SYN3: variants seen among roughly 807,000 people sequenced by gnomAD.
SYN3 encodes synapsin-3.
Under a neutral mutation model 65.8 loss-of-function variants are expected in SYN3, and 35 were observed. That is an observed-to-expected ratio of 0.53 (90% confidence interval 0.41 to 0.70). The LOEUF is 0.70. Among genes scored for constraint, SYN3 ranks in the 30% least tolerant of loss-of-function variants. SYN3 has a pLI of 0.00. For missense variants in SYN3, 680 were observed against 749.0 expected (o/e 0.91, Z 1.08); for synonymous variants, 270 against 292.9 (o/e 0.92, Z 0.80).
At chr22:32,569,040 T>C (rs1365395432) in intron 7 of SYN3, among the ~76,000 whole-genome samples, 1 of 152,138 alleles carries the variant, frequency 6.6e-6, no homozygotes, top group Non-Finnish European at 1.5e-5. Context: ...ACAATGCAAG[T>C]ATATAGATGA....
chr22:32,907,755 C>T (rs1238008273), intron 4 of SYN3, among the ~76,000 whole-genome samples: 1 of 152,130 alleles, frequency 6.6e-6, no homozygotes, highest in Non-Finnish European at 1.5e-5. Context: ...ATGGAGCTTA[C>T]GTAAATGACC....
At chr22:32,641,199 T>G (rs1211543720) in intron 6 of SYN3, among the ~76,000 whole-genome samples, 1 of 152,212 alleles carries the variant, frequency 6.6e-6, no homozygotes. Flanking sequence ...GGCCTCTTTC[T>G]GACTTGTGAT....
chr22:32,643,810 G>A (rs1003870302), intron 6 of SYN3, among the ~76,000 whole-genome samples: 13 of 151,794 alleles, frequency 8.6e-5, no homozygotes, highest in African/African-American at 3.1e-4. Flanking sequence ...AGAGACAAGG[G>A]GCCGGGCGCG....
At chr22:32,829,775 G>C (rs2047521343) in intron 6 of SYN3, among the ~76,000 whole-genome samples, 1 of 152,220 alleles carries the variant, frequency 6.6e-6, no homozygotes, top group African/African-American at 2.4e-5. Flanking sequence ...CACACCCACA[G>C]CTCCTCCAGA....
chr22:32,886,984 T>C (rs137507), intron 4 of SYN3, among the ~76,000 whole-genome samples: 138,766 of 152,300 alleles, frequency 0.91, 63,271 homozygotes, highest in African/African-American at 0.94. Context: ...GGAGATGGGT[T>C]GGCACCCCAT....
At chr22:32,590,159 C>A (rs1014959580) in intron 7 of SYN3, among the ~76,000 whole-genome samples, 1 of 152,188 alleles carries the variant, frequency 6.6e-6, no homozygotes, top group Non-Finnish European at 1.5e-5. Context: ...TCCGTCCTCT[C>A]CGAAGATAAC....
chr22:33,013,207 T>A (rs986832064), intron 1 of SYN3, among the ~76,000 whole-genome samples: 1 of 152,186 alleles, frequency 6.6e-6, no homozygotes. Context: ...CCTACTCCAA[T>A]GTTAGTCAAA....
rs2060586658 is a variant in SYN3, at chr22:32,686,249, C to A, written c.712-89513G>T. ...TATCCTCAACAGGTGTCATGTGGGG[C>A]ATGTGGGTGAGTGGAAGGGGATGAG... On this transcript the variant is annotated intron_variant, in intron 6 of 13. Transcript: ENST00000358763. Among the ~76,000 whole-genome samples, 3 of 152,042 alleles carry A rather than the reference C, an allele frequency of 2.0e-5. No homozygotes were observed. The South Asian group carries it at 6.2e-4, about 32-fold the overall frequency.
chr22:32,896,364 G>A (rs143068650), intron 4 of SYN3, among the ~76,000 whole-genome samples: 154 of 152,290 alleles, frequency 1.0e-3, no homozygotes, highest in African/African-American at 3.6e-3. Context: ...GCTGAGGCAG[G>A]AGAATCACTT....
chr22:32,869,337 TC>T (rs1486786695), intron 4 of SYN3, among the ~76,000 whole-genome samples: 2 of 74,922 alleles, frequency 2.7e-5, no homozygotes, highest in African/African-American at 1.1e-4. Context: ...ATATTCTCTC[TC>T]TCTCTCTCTC....
intron 6 of SYN3, among the ~76,000 whole-genome samples, chr22:32,799,568 G>GA (rs1471103714): frequency 6.6e-6 from 1 of 152,206 alleles, no homozygotes; most frequent in Non-Finnish European, 1.5e-5. Context: ...AAAAGAAAGG[G>GA]AAGAGAGGGC....
intron 3 of SYN3, among the ~76,000 whole-genome samples, chr22:32,958,297 A>G (rs1469815180): frequency 6.6e-6 from 1 of 152,216 alleles, no homozygotes; most frequent in Non-Finnish European, 1.5e-5. Context: ...GATACAAGCA[A>G]AACAGGATAA....
At chr22:32,781,391 T>C (rs1403252118) in intron 6 of SYN3, among the ~76,000 whole-genome samples, 1 of 152,052 alleles carries the variant, frequency 6.6e-6, no homozygotes, top group East Asian at 1.9e-4. Context: ...ACACAAAGCT[T>C]AGGGAGCAAG....
chr22:32,710,098 C>T (rs9619300), intron 6 of SYN3, among the ~76,000 whole-genome samples: 4,608 of 129,588 alleles, frequency 0.036, 126 homozygotes, highest in African/African-American at 0.068. Context: ...CACACACACA[C>T]ATGTGTGTGT....
chr22:32,510,984 C>CGTGTGTGTGTGT lies in SYN3; in HGVS notation c.*2696_*2707dup, dbSNP rs111308299. The stretch of plus-strand genomic sequence containing the variant: ...TGTCAATTCCAAGTTATTGTCCAGG[C>CGTGTGTGTGTGT]GTGTGTGTGTGTGTGTGTGTGTGTG... On this transcript the variant is annotated 3_prime_UTR_variant, in exon 14 of 14. Coordinates refer to ENST00000358763, the MANE Select transcript of SYN3 (RefSeq NM_003490.4). 0.15 allele frequency among the ~76,000 whole-genome samples: 21,883 copies of CGTGTGTGTGTGT among 142,624 alleles called. 1,640 individuals are homozygous for CGTGTGTGTGTGT. The highest frequency in any genetic ancestry group is 0.18 in the Middle Eastern group (48 of 274). 93.6% of individuals were successfully genotyped at this position (142,624 alleles called of 152,430 possible). A position where few individuals can be genotyped will look rare whatever the true frequency, so the allele number is the denominator to read the frequency against.
chr22:32,798,560 G>A (rs1223703012), intron 6 of SYN3, among the ~76,000 whole-genome samples: 1 of 152,022 alleles, frequency 6.6e-6, no homozygotes, highest in Non-Finnish European at 1.5e-5. Flanking sequence ...GAGAATACCA[G>A]GTCATCCTAG....
chr22:32,598,820 A>C (rs1006934105), intron 6 of SYN3, among the ~76,000 whole-genome samples: 1 of 152,084 alleles, frequency 6.6e-6, no homozygotes, highest in Non-Finnish European at 1.5e-5. Flanking sequence ...TCAGGCTAAA[A>C]TTTACCATAC....
At chr22:33,052,101 T>C (rs1314864941) in intron 1 of SYN3, among the ~76,000 whole-genome samples, 1 of 152,104 alleles carries the variant, frequency 6.6e-6, no homozygotes, top group Non-Finnish European at 1.5e-5. Context: ...CAAGCTCATA[T>C]CACAAGTCAG....
intron 6 of SYN3, among the ~76,000 whole-genome samples, chr22:32,777,386 CT>C (rs1201615448): frequency 8.2e-5 from 6 of 73,534 alleles, no homozygotes; most frequent in Admixed American, 1.3e-4. Flanking sequence ...CCTGCTCCTT[CT>C]TTTTTTTTAA....
Sources: gnomAD v4.1 joint callset for allele counts (sites outside exome capture counted in the v4.1 genomes callset) on GRCh38, gnomAD v4.1.1 for gene constraint, MANE v1.5 for transcripts, NCBI Gene and HGNC (gene_info 2026-07-23, HGNC 2026-07-21) for gene names.